PRH1: variants seen among roughly 807,000 people sequenced by gnomAD.
PRH1 encodes the protein salivary acidic proline-rich phosphoprotein 1/2.
In PRH1, 7 loss-of-function variants were observed where a neutral mutation model predicts 7.9. The observed-to-expected ratio is 0.89, with a 90% CI of 0.50 to 1.67. The LOEUF (loss-of-function observed/expected upper bound fraction) is 1.67. Ranked by LOEUF, PRH1 falls within the 40% of genes most tolerant of loss-of-function variation. The pLI, the probability that PRH1 is intolerant of heterozygous loss-of-function variation, is 0.00. For synonymous variants in PRH1, 45 were observed against 80.8 expected (o/e 0.56, Z 2.38); for missense variants, 109 against 223.6 (o/e 0.49, Z 3.27).
chr12:11,135,701 A>G (rs1372819371), intron 1 of PRH1, among the ~76,000 whole-genome samples: 2 of 152,126 alleles, frequency 1.3e-5, no homozygotes, highest in African/African-American at 4.8e-5. Context: ...AACGGCAAAG[A>G]TTTGTTCATG....
chr12:11,069,119 T>C (rs1368456300), intron 1 of PRH1, among the ~76,000 whole-genome samples: 1 of 48,838 alleles, frequency 2.0e-5, no homozygotes, highest in Admixed American at 2.0e-4. Context: ...GGTTTCACCA[T>C]GTTTCCTAGG....
chr12:10,917,722 C>T (rs1425225550), intron 2 of PRH1, among the ~76,000 whole-genome samples: 1 of 152,174 alleles, frequency 6.6e-6, no homozygotes, highest in African/African-American at 2.4e-5. Flanking sequence ...TGAAGAATGG[C>T]ATTGGCAGGA....
intron 1 of PRH1, among the ~76,000 whole-genome samples, chr12:11,027,886 T>C (rs2418278): frequency 6.6e-6 from 1 of 152,216 alleles, no homozygotes; most frequent in African/African-American, 2.4e-5. Context: ...AAGTGCAGAA[T>C]ATTAATCCAA....
chr12:11,032,228 T>C (rs1591850522), intron 1 of PRH1, among the ~76,000 whole-genome samples: 2 of 152,232 alleles, frequency 1.3e-5, no homozygotes, highest in South Asian at 4.1e-4. Flanking sequence ...TTATCTTTAG[T>C]GACTTCAGTT....
rs542080522 is a variant in PRH1 at position 10,882,824 on chromosome 12, C to G, written c.101-126G>C. The G allele has an allele frequency of 4.6e-5, 68 of 1,493,206 alleles. No homozygotes were observed. In the African/African-American group the frequency reaches 5.6e-4, roughly 12 times the overall value. The allele number at this position is 1,493,206 out of a possible 1,614,324, so 92.5% of individuals were successfully genotyped here. ...CCTGCCTCTCAACTCCCAACCTCCC[C>G]CCTTCCCAAGGCTTCCTAATTAGAA... is the stretch of plus-strand genomic sequence containing the variant. On this transcript the variant is annotated intron_variant, in intron 2 of 3. Coordinates refer to ENST00000543626, the MANE Select transcript of PRH1 (RefSeq NM_001393989.1).
At chr12:10,889,571 T>C (rs1424940949) in intron 2 of PRH1, among the ~76,000 whole-genome samples, 1 of 152,190 alleles carries the variant, frequency 6.6e-6, no homozygotes, top group Non-Finnish European at 1.5e-5. Flanking sequence ...GTTTGGAAAA[T>C]TTTTGATCAT....
intron 1 of PRH1, among the ~76,000 whole-genome samples, chr12:11,070,429 A>G (rs1944013802): frequency 6.8e-6 from 1 of 146,146 alleles, no homozygotes; most frequent in Admixed American, 6.9e-5. Flanking sequence ...GAAAAGGAAC[A>G]CAAGACCCCA....
intron 2 of PRH1, among the ~76,000 whole-genome samples, chr12:10,913,114 G>T (rs975910546): frequency 1.3e-5 from 2 of 152,112 alleles, no homozygotes; most frequent in Admixed American, 1.3e-4. Flanking sequence ...GTATCTTCAT[G>T]GCAAATATAA....
At position 10,882,676 on chromosome 12, in the gene PRH1, G is replaced by GAACT. The variant is rs1949424949; in HGVS notation, c.119_122dup (p.Phe41LeufsTer5). ...GTGGTCCCTGACGCTCCTCATCTAG[G>GAACT]AACTGCTCAGAGTCTCCTCCATCTG... On this transcript the variant is annotated frameshift_variant, in exon 3 of 4. Coordinates refer to ENST00000543626, the MANE Select transcript of PRH1 (RefSeq NM_001393989.1). LOFTEE classifies it high-confidence loss of function. 1 of 1,551,444 alleles carries GAACT rather than the reference G, an allele frequency of 6.4e-7. No homozygotes were observed. Among genetic ancestry groups the GAACT allele is most frequent in the Admixed American group, 1.9e-5 (1 of 51,292 alleles).
intron 2 of PRH1, among the ~76,000 whole-genome samples, chr12:10,943,482 G>A (rs1319460193): frequency 6.6e-6 from 1 of 152,172 alleles, no homozygotes; most frequent in Non-Finnish European, 1.5e-5. Flanking sequence ...GCCTTTGTCA[G>A]ATGCATTGTT....
At chr12:11,125,174 A>G (rs1473725584) in intron 1 of PRH1, among the ~76,000 whole-genome samples, 1 of 152,256 alleles carries the variant, frequency 6.6e-6, no homozygotes, top group African/African-American at 2.4e-5. Flanking sequence ...CATCAGGCCT[A>G]GACAAATACC....
chr12:10,970,308 T>C (rs191609255), intron 2 of PRH1, among the ~76,000 whole-genome samples: 1 of 152,324 alleles, frequency 6.6e-6, no homozygotes, highest in Admixed American at 6.5e-5. Flanking sequence ...ACAATATGAC[T>C]GAAATTATTT....
chr12:11,019,509 C>T (rs553240125), intron 1 of PRH1, among the ~76,000 whole-genome samples: 114 of 152,364 alleles, frequency 7.5e-4, no homozygotes, highest in African/African-American at 2.7e-3. Context: ...GCGTTTATAA[C>T]ATGGCAATTA....
chr12:11,160,394 A>G (rs1454163256), intron 1 of PRH1, among the ~76,000 whole-genome samples: 1 of 152,228 alleles, frequency 6.6e-6, no homozygotes, highest in Non-Finnish European at 1.5e-5. Context: ...GAAGATACAA[A>G]TGCTTCAGTG....
At chr12:11,171,464 C>T (rs1947842120), upstream of PRH1, 2 of 1,232,260 alleles carry the variant, frequency 1.6e-6, no homozygotes, top group Non-Finnish European at 1.0e-6. Context: ...GCACCCTGCT[C>T]GCCTTCTTCG....
intron 2 of PRH1, among the ~76,000 whole-genome samples, chr12:10,958,483 C>A (rs1409623662): frequency 1.3e-5 from 2 of 152,014 alleles, no homozygotes; most frequent in Non-Finnish European, 2.9e-5. Context: ...ACAAAATAAT[C>A]TGTACACAAA....
rs185872235 is a variant in PRH1, at chr12:11,029,849, T to C, written c.-126+17171A>G. Among the ~76,000 whole-genome samples the C allele has an allele frequency of 9.8e-3, 1,491 of 152,302 alleles. 17 individuals are homozygous for C. The highest frequency in any genetic ancestry group is 0.012 in the Non-Finnish European group (824 of 68,014). ...AACAATAATTCTCATTGCTTTTTACTAAACATAAAATAGAAATTCATAATG... is the reference window on the plus strand; with the variant it reads ...AACAATAATTCTCATTGCTTTTTACCAAACATAAAATAGAAATTCATAATG... On this transcript the variant is annotated intron_variant, in intron 1 of 3. Coordinates refer to the PRH1 transcript ENST00000539853.
intron 2 of PRH1, among the ~76,000 whole-genome samples, chr12:10,943,455 T>G (rs1950435691): frequency 1.3e-5 from 2 of 152,188 alleles, no homozygotes; most frequent in African/African-American, 4.8e-5. Flanking sequence ...AAGTTCCTTA[T>G]AGATGTTGGA....
chr12:10,932,203 A>G (rs1033183446), intron 2 of PRH1: 1 of 434,904 alleles, frequency 2.3e-6, no homozygotes, highest in African/African-American at 2.0e-5. Flanking sequence ...AGTCTTGCCT[A>G]TAATCTTCCT....
Sources: gnomAD v4.1 joint callset for allele counts (sites outside exome capture counted in the v4.1 genomes callset) on GRCh38, gnomAD v4.1.1 for gene constraint, MANE v1.5 for transcripts, NCBI Gene and HGNC (gene_info 2026-07-23, HGNC 2026-07-21) for gene names.